ISYNA1: variants seen among roughly 807,000 people sequenced by gnomAD.
The protein encoded by ISYNA1 is inositol-3-phosphate synthase 1, also known as MI-1-P synthase.
Under a neutral mutation model 50.3 loss-of-function variants are expected in ISYNA1, and 34 were observed. The observed-to-expected ratio is 0.68, with a 90% CI of 0.51 to 0.90. The LOEUF (loss-of-function observed/expected upper bound fraction) is 0.90. Ranked by LOEUF, ISYNA1 falls within the 40% of genes least tolerant of loss-of-function variation. The probability of loss-of-function intolerance (pLI) is 0.00; values close to 1 mark genes in which losing one functional copy is unlikely to be tolerated. For synonymous variants in ISYNA1, 396 were observed against 349.9 expected (o/e 1.13, Z -1.47); for missense variants, 718 against 784.8 (o/e 0.91, Z 1.02).
In ISYNA1 at chr19:18,435,790, C is replaced by T. The variant is rs1396254595; in HGVS notation, c.1107G>A (p.Val369=). Residue 369 remains valine (V), a synonymous_variant, in exon 8 of 11, where the codon GTG becomes GTA. Coordinates refer to ENST00000338128, the MANE Select transcript of ISYNA1 (RefSeq NM_016368.5). ...CAGGCTCTTCGCCGGGCGTATAGAG[C>T]ACTGGGTTGCTCTGCACCATGTCGT... The part of the protein sequence containing the change: ...VVDDMVQSNP[V]LYTPGEEPDH... 2.2e-5 allele frequency: 36 copies of T among 1,613,590 alleles called. No homozygotes were observed. Among genetic ancestry groups the T allele is most frequent in the African/African-American group, 5.3e-5 (4 of 74,944 alleles).
In ISYNA1 at chr19:18,435,296, C is replaced by G; in HGVS notation, c.1442G>C (p.Arg481Pro). 6.2e-7 allele frequency: 1 copy of G among 1,607,092 alleles called. No individual in the cohort carries two copies. The highest frequency in any genetic ancestry group is 8.5e-7 in the Non-Finnish European group (1 of 1,179,790). The part of the protein sequence containing the change: ...PGSPVVNALF[R>P]QRSCIENILR... ...GATGTTCTCGATGCAGCTGCGCTGGCGGAAAAGCGCATTGACCACCGGGCT... is the reference window on the plus strand; with the variant it reads ...GATGTTCTCGATGCAGCTGCGCTGGGGGAAAAGCGCATTGACCACCGGGCT... The change falls in exon 10 of 11, where the codon CGC (arginine) becomes CCC (proline). Residue 481 changes from arginine (R) to proline (P), a missense_variant. Around this residue, in one of 3 missense-constraint regions of ISYNA1, gnomAD observed 305 missense variants for 292.6 expected, o/e 1.04. Coordinates refer to ENST00000338128, the MANE Select transcript of ISYNA1 (RefSeq NM_016368.5).
chr19:18,437,791 T>C (rs763003513), intron 2 of ISYNA1, 31 bp from the exon 3 acceptor site: 13 of 1,599,168 alleles, frequency 8.1e-6, no homozygotes, highest in Middle Eastern at 1.7e-4. Flanking sequence ...GAATCCCGGG[T>C]CCCGTGCCCT....
At position 18,438,104 on chromosome 19, in the gene ISYNA1, C is replaced by G. The variant is rs557759123; in HGVS notation, c.-21G>C. On this transcript the variant is annotated 5_prime_UTR_variant, in exon 1 of 11. Coordinates refer to ENST00000338128, the MANE Select transcript of ISYNA1 (RefSeq NM_016368.5). The stretch of plus-strand genomic sequence containing the variant: ...CGAACCGCACTCACCGGCGCAGAGT[C>G]GACTCAGGCAGCGGCGGCGGACAGC... 8.5e-6 allele frequency: 9 copies of G among 1,064,264 alleles called. No homozygotes were observed. The East Asian group carries it at 1.9e-4, about 23-fold the overall frequency. The allele number at this position is 1,064,264 out of a possible 1,614,324, so 65.9% of individuals were successfully genotyped here. A position where few individuals can be genotyped will look rare whatever the true frequency, so the allele number is the denominator to read the frequency against.
At chr19:18,437,475 C>T (rs1974107154) in intron 3 of ISYNA1, 124 bp downstream of exon 3, 1 of 841,422 alleles carries the variant, frequency 1.2e-6, no homozygotes, top group Non-Finnish European at 1.6e-6. Context: ...GCCCCTCGCC[C>T]CGCGGAACCC....
chr19:18,437,281 A>G (rs1378789959), intron 3 of ISYNA1, 176 bp from the exon 4 acceptor site: 1 of 1,421,160 alleles, frequency 7.0e-7, no homozygotes. Flanking sequence ...GACCTCCGGC[A>G]CCTTAAGCTC....
Position 18,435,003 on chromosome 19 carries a change from G to T in ISYNA1, c.1587C>A (p.Asn529Lys). 1 of 1,613,530 alleles carries T rather than the reference G, an allele frequency of 6.2e-7. No homozygotes were observed. The highest frequency in any genetic ancestry group is 8.5e-7 in the Non-Finnish European group (1 of 1,179,986). Residue 529 changes from asparagine (N) to lysine (K), a missense_variant, in exon 11 of 11, where the codon AAC becomes AAA. By Grantham distance (94) the Asn-to-Lys change is moderately conservative. Around this residue, in one of 3 missense-constraint regions of ISYNA1, gnomAD observed 305 missense variants for 292.6 expected, o/e 1.04. Transcript: ENST00000338128. Reference protein sequence around the residue: ...GPVAATYPMLNKKGPVPAATN... With the variant: ...GPVAATYPMLKKKGPVPAATN... ...TGGCAGCGGGTACCGGTCCTTTCTT[G>T]TTCAACATAGGGTAGGTGGCAGCCA...
At position 18,435,569 on chromosome 19, in the gene ISYNA1, C is replaced by A. The variant is rs773499760; in HGVS notation, c.1248G>T (p.Thr416=). The part of the protein sequence containing the change: ...GGTNTLVLHN[T]CEDSLLAAPI... ...CCCTGAAGCCGCGCCGCACCTCACA[C>A]GTGTTGTGCAGCACCAGTGTGTTGG... The change falls in exon 9 of 11, where the codon ACG becomes ACT. Residue 416 remains threonine (T), a synonymous_variant. Coordinates refer to ENST00000338128, the MANE Select transcript of ISYNA1 (RefSeq NM_016368.5). The A allele has an allele frequency of 7.5e-6, 12 of 1,606,518 alleles. No individual in the cohort carries two copies. The East Asian group carries it at 2.3e-4, about 30-fold the overall frequency.
Position 18,435,281 on chromosome 19 carries a change from A to G in ISYNA1, c.1457T>C (p.Ile486Thr). ...TGGGGTGCACCTGAGGATGTTCTCG[A>G]TGCAGCTGCGCTGGCGGAAAAGCGC... is the stretch of plus-strand genomic sequence containing the variant. ...VNALFRQRSCIENILRACVGL... is the reference protein window; with the variant it reads ...VNALFRQRSCTENILRACVGL... Residue 486 changes from isoleucine to threonine, a missense_variant, in exon 10 of 11, where the codon ATC becomes ACC. Physicochemically the swap from Ile to Thr is moderately conservative, Grantham distance 89. Around this residue, in one of 3 missense-constraint regions of ISYNA1, gnomAD observed 305 missense variants for 292.6 expected, o/e 1.04. Transcript: ENST00000338128. 6.2e-7 allele frequency: 1 copy of G among 1,606,204 alleles called. No individual in the cohort carries two copies. Among genetic ancestry groups the G allele is most frequent in the Non-Finnish European group, 8.5e-7 (1 of 1,179,560 alleles).
Position 18,437,743 on chromosome 19 carries a change from C to T in ISYNA1, c.138G>A (p.Thr46=). The change falls in exon 3 of 11, where the codon ACG becomes ACA. Residue 46 remains threonine (T), a synonymous_variant. Coordinates refer to ENST00000338128, the MANE Select transcript of ISYNA1 (RefSeq NM_016368.5). ...GCCGGGCGGTCCGGAAGGTGAAGCG[C>T]GTGGACGTGGGGTGCACCTGAAGAC... is the stretch of plus-strand genomic sequence containing the variant. ...GGVLKVHPTS[T]RFTFRTARQV... is the part of the protein sequence containing the mutation. 3 of 1,573,648 alleles carry T rather than the reference C, an allele frequency of 1.9e-6. No individual in the cohort carries two copies. Among genetic ancestry groups the T allele is most frequent in the African/African-American group, 1.3e-5 (1 of 74,392 alleles).
At chr19:18,436,306 C>T (rs745562139) in intron 6 of ISYNA1, 24 bp downstream of exon 6, 13 of 1,610,254 alleles carry the variant, frequency 8.1e-6, no homozygotes, top group Admixed American at 1.7e-5. Flanking sequence ...CTGCCTGACC[C>T]GCTCCACCCG....
At position 18,435,076 on chromosome 19, in the gene ISYNA1, TC is replaced by T; in HGVS notation, c.1513del (p.Glu505AsnfsTer24). 6.2e-7 allele frequency: 1 copy of T among 1,613,614 alleles called. No homozygotes were observed. The highest frequency in any genetic ancestry group is 8.5e-7 in the Non-Finnish European group (1 of 1,179,988). ...GLPPQNHMLL[E>X]HKMERPGPSL... Reference sequence around the variant, plus strand: ...GGGCCCTGGGCGCTCCATTTTGTGTTCCAGGAGCATGTGGTTCTGTGGCGGG... The same window carrying T: ...GGGCCCTGGGCGCTCCATTTTGTGTTCAGGAGCATGTGGTTCTGTGGCGGG... On this transcript the variant is annotated frameshift_variant, in exon 11 of 11. Coordinates refer to ENST00000338128, the MANE Select transcript of ISYNA1 (RefSeq NM_016368.5). LOFTEE classifies it low-confidence loss of function (END_TRUNC).
chr19:18,437,033 C>A lies in ISYNA1; in HGVS notation c.355G>T (p.Val119Leu), dbSNP rs1162893986. ...AGCACCGCGCTGAAGGGTACGAACA[C>A]CTCCTGGCCCTCGGCGTCCAGGCCC... is the stretch of plus-strand genomic sequence containing the variant. ...SLGLDAEGQE[V>L]FVPFSAVLPM... Residue 119 changes from valine to leucine, a missense_variant, in exon 4 of 11, where the codon GTG (valine) becomes TTG (leucine). Physicochemically the swap from Val to Leu is conservative, Grantham distance 32. Coordinates refer to ENST00000338128, the MANE Select transcript of ISYNA1 (RefSeq NM_016368.5). 1.9e-6 allele frequency: 3 copies of A among 1,609,540 alleles called. No individual in the cohort carries two copies. The highest frequency in any genetic ancestry group is 2.5e-6 in the Non-Finnish European group (3 of 1,179,186).
chr19:18,435,684 G>A lies in ISYNA1; in HGVS notation c.1141-8C>T. 1 of 1,611,622 alleles carries A rather than the reference G, an allele frequency of 6.2e-7. No individual in the cohort carries two copies. The highest frequency in any genetic ancestry group is 1.3e-5 in the African/African-American group (1 of 74,990). ...CACATACTTGATGACCACCTGGAGT[G>A]CAGCAGGAGTTTGCCCGGGTCCCTG... On this transcript the variant is annotated splice_region_variant and splice_polypyrimidine_tract_variant and intron_variant, in intron 8 of 10. Coordinates refer to ENST00000338128, the MANE Select transcript of ISYNA1 (RefSeq NM_016368.5).
chr19:18,435,991 G>A lies in ISYNA1; in HGVS notation c.975+41C>T, dbSNP rs747787325. On this transcript the variant is annotated intron_variant, in intron 7 of 10. Transcript: ENST00000338128. The stretch of plus-strand genomic sequence containing the variant: ...CCACAAGCCAGGTGCTCGCGGCCCA[G>A]GCCCCCTTCCTGCACTCGGCAGCTC... 36 of 1,612,516 alleles carry A rather than the reference G, an allele frequency of 2.2e-5. No homozygotes were observed. The Admixed American group carries it at 5.7e-4, about 25-fold the overall frequency.
At position 18,436,431 on chromosome 19, in the gene ISYNA1, G is replaced by C. The variant is rs1355181626; in HGVS notation, c.658C>G (p.Leu220Val). The C allele has an allele frequency of 6.2e-7, 1 of 1,609,966 alleles. No homozygotes were observed. Among genetic ancestry groups the C allele is most frequent in the South Asian group, 1.1e-5 (1 of 91,074 alleles). ...DIRDFRSSAG[L>V]DKVIVLWTAN... is the part of the protein sequence containing the mutation. ...GTCCACAGCACTATGACTTTGTCCA[G>C]CCCCGCGCTAGACCGGAAGTCTCGG... The change falls in exon 6 of 11, where the codon CTG becomes GTG. Residue 220 changes from leucine to valine, a missense_variant. Leu to Val is a conservative substitution (Grantham distance 32). This residue lies in a region of ISYNA1 where 403 missense variants were observed against 466.6 expected (regional missense o/e 0.86). Coordinates refer to ENST00000338128, the MANE Select transcript of ISYNA1 (RefSeq NM_016368.5).
rs777566981 is a variant in ISYNA1, at chr19:18,435,422, C to T, written c.1316G>A (p.Arg439His). Residue 439 changes from arginine (R) to histidine (H), a missense_variant, in exon 10 of 11, where the codon CGC (arginine) becomes CAC (histidine). Around this residue, in one of 3 missense-constraint regions of ISYNA1, gnomAD observed 305 missense variants for 292.6 expected, o/e 1.04. Transcript: ENST00000338128. ...DLALLTELCQ[R>H]VSFCTDMDPE... ...GTCCATGTCAGTGCAGAAGCTCACG[C>T]GCTGGCACAGCTCGGTCAGCAGCGC... 3.1e-6 allele frequency: 5 copies of T among 1,610,808 alleles called. No homozygotes were observed. The highest frequency in any genetic ancestry group is 2.2e-5 in the East Asian group (1 of 44,870).
Position 18,435,877 on chromosome 19 carries a change from C to G in ISYNA1, c.1020G>C (p.Gly340=), listed in dbSNP as rs1225977586. ...ACTGCAATGGCGCCGATAGGTTCTC[C>G]CCATCGTTGTTGCCCAGGTGGTTGT... is the stretch of plus-strand genomic sequence containing the variant. ...VSYNHLGNND[G]ENLSAPLQFR... The change falls in exon 8 of 11, where the codon GGG becomes GGC. Residue 340 remains glycine, a synonymous_variant. Transcript: ENST00000338128. The G allele has an allele frequency of 6.2e-7, 1 of 1,614,058 alleles. No homozygotes were observed. Among genetic ancestry groups the G allele is most frequent in the East Asian group, 2.2e-5 (1 of 44,880 alleles).
At position 18,437,031 on chromosome 19, in the gene ISYNA1, C is replaced by T. The variant is rs1474954656; in HGVS notation, c.357G>A (p.Val119=). The change falls in exon 4 of 11, where the codon GTG becomes GTA. Residue 119 remains valine, a synonymous_variant. Coordinates refer to ENST00000338128, the MANE Select transcript of ISYNA1 (RefSeq NM_016368.5). ...SLGLDAEGQE[V]FVPFSAVLPM... is the part of the protein sequence containing the mutation. ...GCAGCACCGCGCTGAAGGGTACGAA[C>T]ACCTCCTGGCCCTCGGCGTCCAGGC... The T allele has an allele frequency of 1.2e-6, 2 of 1,608,690 alleles. No individual in the cohort carries two copies. Among genetic ancestry groups the T allele is most frequent in the African/African-American group, 1.3e-5 (1 of 74,740 alleles).
At position 18,436,863 on chromosome 19, in the gene ISYNA1, A is replaced by G; in HGVS notation, c.430T>C (p.Ser144Pro). 6.3e-7 allele frequency: 1 copy of G among 1,597,846 alleles called. No homozygotes were observed. Among genetic ancestry groups the G allele is most frequent in the Non-Finnish European group, 8.5e-7 (1 of 1,174,680 alleles). Residue 144 changes from serine to proline, a missense_variant, in exon 5 of 11, where the codon TCG becomes CCG. By Grantham distance (74) the Ser-to-Pro change is moderately conservative. Around this residue, in one of 3 missense-constraint regions of ISYNA1, gnomAD observed 403 missense variants for 466.6 expected, o/e 0.86. Coordinates refer to ENST00000338128, the MANE Select transcript of ISYNA1 (RefSeq NM_016368.5). ...CGCATCGCCTCGGCCAGGTTCAGCGACGAGATGTCCCAGCCTGGGGGGACC... is the reference window on the plus strand; with the variant it reads ...CGCATCGCCTCGGCCAGGTTCAGCGGCGAGATGTCCCAGCCTGGGGGGACC... ...DLVFDGWDISSLNLAEAMRRA... is the reference protein window; with the variant it reads ...DLVFDGWDISPLNLAEAMRRA...
Sources: gnomAD v4.1 joint callset for allele counts on GRCh38, gnomAD v4.1.1 for gene constraint, gnomAD v4.1.1 regional missense constraint, MANE v1.5 for transcripts, NCBI Gene and HGNC (gene_info 2026-07-23, HGNC 2026-07-21) for gene names.